Variants in ERC2 observed in about 807,000 individuals in gnomAD.
ERC2 encodes the protein ERC protein 2.
A neutral mutation model predicts 114.8 loss-of-function variants in ERC2; 42 were observed. The ratio of observed to expected loss-of-function variants is 0.37; its 90% CI spans 0.29 to 0.47. The LOEUF (loss-of-function observed/expected upper bound fraction) is 0.47. Ranked by LOEUF, ERC2 falls within the 20% of genes least tolerant of loss-of-function variation. The pLI is 0.99. For synonymous variants in ERC2, 454 were observed against 425.5 expected, an observed-to-expected ratio of 1.07 and a Z score of -0.82; for missense variants, 939 against 1,150.7, an observed-to-expected ratio of 0.82 and a Z score of 2.66.
intron 14 of ERC2, among the ~76,000 whole-genome samples, chr3:55,787,137 T>C (rs2069574748): frequency 1.3e-5 from 2 of 152,076 alleles, no homozygotes; most frequent in Admixed American, 1.3e-4. Flanking sequence ...ATGTGTCGGC[T>C]GGGGGGCGAT....
At chr3:56,372,597 C>T (rs1009208030) in intron 2 of ERC2, among the ~76,000 whole-genome samples, 1 of 151,932 alleles carries the variant, frequency 6.6e-6, no homozygotes, top group Non-Finnish European at 1.5e-5. Context: ...TGTGGTATCG[C>T]GTGCCTGTTG....
chr3:55,942,349 C>CG (rs1176966263), intron 13 of ERC2, among the ~76,000 whole-genome samples: 1 of 113,908 alleles, frequency 8.8e-6, no homozygotes, highest in Non-Finnish European at 1.6e-5. Flanking sequence ...AGTGCAGTGG[C>CG]GGGATCTCGG....
chr3:55,539,835 A>G (rs17329094), intron 17 of ERC2, among the ~76,000 whole-genome samples: 37,919 of 152,062 alleles, frequency 0.25, 4,795 homozygotes, highest in Middle Eastern at 0.34. Flanking sequence ...GATTTTTTAA[A>G]AGAATACTTA....
intron 2 of ERC2, among the ~76,000 whole-genome samples, chr3:56,331,807 G>A (rs1421945877): frequency 6.6e-6 from 1 of 152,066 alleles, no homozygotes; most frequent in Non-Finnish European, 1.5e-5. Flanking sequence ...AGCCACTGAA[G>A]TTTGGTCCAT....
intron 17 of ERC2, among the ~76,000 whole-genome samples, chr3:55,539,569 C>T (rs935033614): frequency 6.6e-6 from 1 of 151,378 alleles, no homozygotes; most frequent in African/African-American, 2.4e-5. Context: ...ACTACAGACG[C>T]CTGCCACCAT....
rs184170550 is a variant in ERC2, at chr3:55,607,680, G to A, written c.*39+76114C>T. 2.7e-5 allele frequency among the ~76,000 whole-genome samples: 4 copies of A among 148,746 alleles called. No homozygotes were observed. In the East Asian group the frequency reaches 6.0e-4, roughly 22 times the overall value. On this transcript the variant is annotated intron_variant, in intron 17 of 17. Coordinates refer to ENST00000288221, the MANE Select transcript of ERC2 (RefSeq NM_015576.3). ...CAATAATGCAGAGTTGAACTGCTACGGAATAGACCCAATTGCAGCAATCCT... is the reference window on the plus strand; with the variant it reads ...CAATAATGCAGAGTTGAACTGCTACAGAATAGACCCAATTGCAGCAATCCT...
chr3:55,541,806 C>G (rs1466209671), intron 17 of ERC2, among the ~76,000 whole-genome samples: 1 of 152,138 alleles, frequency 6.6e-6, no homozygotes, highest in Admixed American at 6.6e-5. Context: ...AATGTTTTGC[C>G]CTGGTTAGTT....
intron 17 of ERC2, among the ~76,000 whole-genome samples, chr3:55,564,441 G>A (rs1025341946): frequency 3.3e-5 from 5 of 152,146 alleles, no homozygotes; most frequent in Non-Finnish European, 5.9e-5. Flanking sequence ...ACTGAGGTGC[G>A]CTTTATCATA....
intron 13 of ERC2, among the ~76,000 whole-genome samples, chr3:55,941,131 A>T (rs1397901652): frequency 6.6e-6 from 1 of 152,184 alleles, no homozygotes; most frequent in Non-Finnish European, 1.5e-5. Flanking sequence ...TGTACACAGC[A>T]ACTTGGCCAA....
intron 12 of ERC2, among the ~76,000 whole-genome samples, chr3:55,957,460 TA>T (rs981954685): frequency 3.3e-5 from 5 of 152,202 alleles, no homozygotes; most frequent in Admixed American, 2.0e-4. Context: ...GAGTGCTTTA[TA>T]AATAACAGTG....
intron 14 of ERC2, among the ~76,000 whole-genome samples, chr3:55,747,035 A>T (rs149073643): frequency 1.4e-4 from 22 of 152,206 alleles, no homozygotes; most frequent in Admixed American, 5.9e-4. Flanking sequence ...GCCCTTTTCA[A>T]TTTTTTTCTG....
intron 12 of ERC2, among the ~76,000 whole-genome samples, chr3:55,952,174 C>CT (rs1171234318): frequency 1.5e-3 from 80 of 55,060 alleles, no homozygotes; most frequent in Admixed American, 2.6e-3. Context: ...CACACACACA[C>CT]ACACACTCTC....
chr3:55,533,782 G>A (rs148552022), intron 17 of ERC2, among the ~76,000 whole-genome samples: 2 of 152,178 alleles, frequency 1.3e-5, no homozygotes, highest in Non-Finnish European at 2.9e-5. Flanking sequence ...TCACATGCCC[G>A]CACTTCACCC....
chr3:56,434,156 A>C, intron 2 of ERC2, 195 bp downstream of exon 2: 1 of 558,826 alleles, frequency 1.8e-6, no homozygotes, highest in Admixed American at 3.2e-5. Context: ...AGGTTATCGG[A>C]AAATAAGGAA....
intron 7 of ERC2, among the ~76,000 whole-genome samples, chr3:56,055,076 A>G (rs1286458204): frequency 6.6e-6 from 1 of 152,204 alleles, no homozygotes; most frequent in Non-Finnish European, 1.5e-5. Context: ...CCCTCTGTGT[A>G]TACACTATCA....
At chr3:56,333,064 G>A (rs41471946) in intron 2 of ERC2, among the ~76,000 whole-genome samples, 3,001 of 152,278 alleles carry the variant, frequency 0.02, 108 homozygotes, top group African/African-American at 0.067. Flanking sequence ...TATGCAACAC[G>A]TGGTTACACT....
At chr3:56,298,060 A>G (rs1371321382) in intron 2 of ERC2, among the ~76,000 whole-genome samples, 2 of 152,188 alleles carry the variant, frequency 1.3e-5, no homozygotes, top group Non-Finnish European at 2.9e-5. Context: ...GAGGTTATTC[A>G]TTTTTAATAC....
intron 17 of ERC2, among the ~76,000 whole-genome samples, chr3:55,635,933 C>T (rs1330884497): frequency 1.3e-5 from 2 of 151,094 alleles, no homozygotes; most frequent in East Asian, 2.0e-4. Flanking sequence ...GGCTGGAGTA[C>T]AGTGGTGTGA....
At chr3:55,689,561 G>C (rs907556255) in intron 16 of ERC2, among the ~76,000 whole-genome samples, 8 of 152,156 alleles carry the variant, frequency 5.3e-5, no homozygotes, top group African/African-American at 1.9e-4. Flanking sequence ...TTAACACTTG[G>C]CTTTGTTAAA....
Sources: gnomAD v4.1 joint callset for allele counts (sites outside exome capture counted in the v4.1 genomes callset) on GRCh38, gnomAD v4.1.1 for gene constraint, MANE v1.5 for transcripts, NCBI Gene and HGNC (gene_info 2026-07-23, HGNC 2026-07-21) for gene names.